The following CXCL2 variants were observed in gnomAD, a reference collection of about 807,000 sequenced individuals.
CXCL2 encodes the protein C-X-C motif chemokine 2.
A neutral mutation model predicts 11.2 loss-of-function variants in CXCL2; 12 were observed. The observed-to-expected ratio is 1.08, with a 90% CI of 0.69 to 1.74. The LOEUF (loss-of-function observed/expected upper bound fraction) is 1.74, where lower values mean the gene tolerates loss of function less well. Ranked by LOEUF, CXCL2 falls within the 40% of genes most tolerant of loss-of-function variation. The pLI is 0.00. For synonymous variants in CXCL2, 68 were observed against 61.9 expected (o/e 1.10, Z -0.47); for missense variants, 120 against 137.8 (o/e 0.87, Z 0.65).
At chr4:74,098,773 C>A (rs553596447) in intron 2 of CXCL2, 26 bp downstream of exon 2, 3 of 1,613,530 alleles carry the variant, frequency 1.9e-6, no homozygotes, top group Non-Finnish European at 2.5e-6. Flanking sequence ...CCAGCAGTGG[C>A]AGCGGCAGCG....
At chr4:74,098,241 C>A (rs767160371) in intron 3 of CXCL2, among the ~76,000 whole-genome samples, 9 of 152,134 alleles carry the variant, frequency 5.9e-5, no homozygotes, top group African/African-American at 1.7e-4. Context: ...TTACAAAAAA[C>A]CAGGGGGTCT....
chr4:74,097,871 A>G (rs989326776), intron 3 of CXCL2, 100 bp from the exon 4 acceptor site: 14 of 1,293,200 alleles, frequency 1.1e-5, no homozygotes, highest in Non-Finnish European at 1.4e-5. Flanking sequence ...AGTTTTCTGA[A>G]TGCAGTTTCC....
Position 74,099,152 on chromosome 4 carries a change from G to T in CXCL2, c.-32C>A, listed in dbSNP as rs759391615. 5.3e-5 allele frequency: 78 copies of T among 1,464,920 alleles called. No homozygotes were observed. The highest frequency in any genetic ancestry group is 6.8e-5 in the Non-Finnish European group (76 of 1,111,932). The allele number at this position is 1,464,920 out of a possible 1,614,324, so 90.7% of individuals were successfully genotyped here. A position where few individuals can be genotyped will look rare whatever the true frequency, so the allele number is the denominator to read the frequency against. On this transcript the variant is annotated 5_prime_UTR_variant, in exon 1 of 4. Coordinates refer to ENST00000508487, the MANE Select transcript of CXCL2 (RefSeq NM_002089.4). ...CAGCAGGCGGTTCGAGCGGCTGTGC[G>T]AGGAGGAGAGCTGGCAAGGAGCTGC...
intron 3 of CXCL2, 153 bp downstream of exon 3, chr4:74,098,448 G>T: frequency 1.2e-6 from 1 of 813,614 alleles, no homozygotes; most frequent in Non-Finnish European, 1.9e-6. Flanking sequence ...CACCAGAACA[G>T]ATTAATAACC....
Position 74,097,650 on chromosome 4 carries a change from C to A in CXCL2, c.*106G>T, listed in dbSNP as rs1257762542. 1 of 1,090,802 alleles carries A rather than the reference C, an allele frequency of 9.2e-7. No homozygotes were observed. Among genetic ancestry groups the A allele is most frequent in the South Asian group, 2.8e-5 (1 of 35,366 alleles). 67.6% of individuals were successfully genotyped at this position (1,090,802 alleles called of 1,614,324 possible). On this transcript the variant is annotated 3_prime_UTR_variant, in exon 4 of 4. Coordinates refer to ENST00000508487, the MANE Select transcript of CXCL2 (RefSeq NM_002089.4). ...AAGTGATGCTCAAACACATTAGGCG[C>A]AATCCAGGTGGCCTCTGCAGCTGTG...
Position 74,097,634 on chromosome 4 carries a change from T to C in CXCL2, c.*122A>G. ...ATAGAAGACTTCTCCTAAGTGATGC[T>C]CAAACACATTAGGCGCAATCCAGGT... On this transcript the variant is annotated 3_prime_UTR_variant, in exon 4 of 4. Coordinates refer to ENST00000508487, the MANE Select transcript of CXCL2 (RefSeq NM_002089.4). 1.3e-6 allele frequency: 1 copy of C among 798,678 alleles called. No individual in the cohort carries two copies. The highest frequency in any genetic ancestry group is 1.8e-6 in the Non-Finnish European group (1 of 559,894). 49.5% of individuals were successfully genotyped at this position (798,678 alleles called of 1,614,324 possible).
chr4:74,098,468 A>G (rs1578206551), intron 3 of CXCL2, 133 bp downstream of exon 3: 1 of 960,082 alleles, frequency 1.0e-6, no homozygotes, highest in Non-Finnish European at 1.5e-6. Flanking sequence ...CTTAATGGCA[A>G]CTTTGTGAAA....
Position 74,098,825 on chromosome 4 carries a change from T to C in CXCL2, c.198A>G (p.Gly66=), listed in dbSNP as rs764651890. The C allele has an allele frequency of 1.9e-6, 3 of 1,613,964 alleles. No individual in the cohort carries two copies. Among genetic ancestry groups the C allele is most frequent in the Admixed American group, 1.7e-5 (1 of 60,020 alleles). Residue 66 remains glycine, a synonymous_variant, in exon 2 of 4, where the codon GGA becomes GGG. Transcript: ENST00000508487. ...TGACTTCGGTTTGGGCGCAGTGGGGTCCGGGGGACTTCACCTTCACACTTT... is the reference window on the plus strand; with the variant it reads ...TGACTTCGGTTTGGGCGCAGTGGGGCCCGGGGGACTTCACCTTCACACTTT... ...NIQSVKVKSP[G]PHCAQTEVIA...
intron 2 of CXCL2, 40 bp downstream of exon 2, chr4:74,098,759 G>C (rs535488364): frequency 5.6e-6 from 9 of 1,613,290 alleles, no homozygotes; most frequent in Non-Finnish European, 7.6e-6. Context: ...GAGAGTCGGG[G>C]ACCCCAGCAG....
Position 74,097,561 on chromosome 4 carries a change from T to C in CXCL2, c.*195A>G, listed in dbSNP as rs200919020. ...ATAACCTTATTTTACACATAAAATATTAACATAGAATCTTCTAAAACAAAC... is the reference window on the plus strand; with the variant it reads ...ATAACCTTATTTTACACATAAAATACTAACATAGAATCTTCTAAAACAAAC... On this transcript the variant is annotated 3_prime_UTR_variant, in exon 4 of 4. Transcript: ENST00000508487. 6 of 363,622 alleles carry C rather than the reference T, an allele frequency of 1.7e-5. No homozygotes were observed. In the South Asian group the frequency reaches 6.9e-4, roughly 42 times the overall value. The allele number at this position is 363,622 out of a possible 1,614,324, so 22.5% of individuals were successfully genotyped here.
Position 74,097,565 on chromosome 4 carries a change from C to T in CXCL2, c.*191G>A, listed in dbSNP as rs1721305918. 4 of 368,964 alleles carry T rather than the reference C, an allele frequency of 1.1e-5. No individual in the cohort carries two copies. The highest frequency in any genetic ancestry group is 1.4e-4 in the South Asian group (1 of 7,322). The allele number at this position is 368,964 out of a possible 1,614,324, so 22.9% of individuals were successfully genotyped here. On this transcript the variant is annotated 3_prime_UTR_variant, in exon 4 of 4. Coordinates refer to ENST00000508487, the MANE Select transcript of CXCL2 (RefSeq NM_002089.4). ...CCTTATTTTACACATAAAATATTAA[C>T]ATAGAATCTTCTAAAACAAACAAAT... is the stretch of plus-strand genomic sequence containing the variant.
intron 3 of CXCL2, 169 bp downstream of exon 3, chr4:74,098,432 C>A: frequency 1.4e-6 from 1 of 709,136 alleles, no homozygotes; most frequent in Non-Finnish European, 2.3e-6. Context: ...TGGGAATATC[C>A]TCTGGCACCA....
chr4:74,098,706 G>T, intron 2 of CXCL2, 22 bp from the exon 3 acceptor site: 1 of 1,614,082 alleles, frequency 6.2e-7, no homozygotes, highest in Non-Finnish European at 8.5e-7. Flanking sequence ...AGGGAATCTC[G>T]TGAGACAGGA....
chr4:74,097,624 T>C lies in CXCL2; in HGVS notation c.*132A>G, dbSNP rs1254743129. On this transcript the variant is annotated 3_prime_UTR_variant, in exon 4 of 4. Coordinates refer to ENST00000508487, the MANE Select transcript of CXCL2 (RefSeq NM_002089.4). ...AAATAAATAAATAGAAGACTTCTCC[T>C]AAGTGATGCTCAAACACATTAGGCG... The C allele has an allele frequency of 6.5e-6, 4 of 615,698 alleles. No homozygotes were observed. Among genetic ancestry groups the C allele is most frequent in the Non-Finnish European group, 9.9e-6 (4 of 403,580 alleles). The allele number at this position is 615,698 out of a possible 1,614,324, so 38.1% of individuals were successfully genotyped here.
At position 74,097,590 on chromosome 4, in the gene CXCL2, T is replaced by C. The variant is rs189458219; in HGVS notation, c.*166A>G. 4.5e-3 allele frequency: 1,865 copies of C among 417,658 alleles called. 20 individuals carry two copies. The highest frequency in any genetic ancestry group is 0.033 in the African/African-American group (1,590 of 48,328). 25.9% of individuals were successfully genotyped at this position (417,658 alleles called of 1,614,324 possible). A position where few individuals can be genotyped will look rare whatever the true frequency, so the allele number is the denominator to read the frequency against. On this transcript the variant is annotated 3_prime_UTR_variant, in exon 4 of 4. Transcript: ENST00000508487. ...CATAGAATCTTCTAAAACAAACAAA[T>C]AAATAAATAAATAAATAAATAGAAG...
chr4:74,097,373 G>A lies in CXCL2; in HGVS notation c.*383C>T, dbSNP rs113025589. 1 of 153,612 alleles carries A rather than the reference G, an allele frequency of 6.5e-6. No homozygotes were observed. Among genetic ancestry groups the A allele is most frequent in the Non-Finnish European group, 1.4e-5 (1 of 68,970 alleles). The allele number at this position is 153,612 out of a possible 1,614,324, so 9.5% of individuals were successfully genotyped here. A position where few individuals can be genotyped will look rare whatever the true frequency, so the allele number is the denominator to read the frequency against. On this transcript the variant is annotated 3_prime_UTR_variant, in exon 4 of 4. Transcript: ENST00000508487. ...GGATTCCTCAGCCTCTATCACAGTG[G>A]CTGACATGTGATATGTCATCACGAA...
Position 74,097,694 on chromosome 4 carries a change from T to C in CXCL2, c.*62A>G. On this transcript the variant is annotated 3_prime_UTR_variant, in exon 4 of 4. Coordinates refer to ENST00000508487, the MANE Select transcript of CXCL2 (RefSeq NM_002089.4). ...AGCTGTGTCTCTCTTTCCTCTTCTG[T>C]TCCTGTAAGGGCAGGGCCTCCTTCA... The C allele has an allele frequency of 5.2e-6, 8 of 1,533,136 alleles. No individual in the cohort carries two copies. Among genetic ancestry groups the C allele is most frequent in the Non-Finnish European group, 7.0e-6 (8 of 1,137,954 alleles). 95.0% of individuals were successfully genotyped at this position (1,533,136 alleles called of 1,614,324 possible). A position where few individuals can be genotyped will look rare whatever the true frequency, so the allele number is the denominator to read the frequency against.
rs762380109 is a variant in CXCL2 at position 74,098,828 on chromosome 4, G to A, written c.195C>T (p.Pro65=). 1.2e-6 allele frequency: 2 copies of A among 1,614,122 alleles called. No homozygotes were observed. ...KNIQSVKVKS[P]GPHCAQTEVI... Reference sequence around the variant, plus strand: ...CTTCGGTTTGGGCGCAGTGGGGTCCGGGGGACTTCACCTTCACACTTTGGA... The same window carrying A: ...CTTCGGTTTGGGCGCAGTGGGGTCCAGGGGACTTCACCTTCACACTTTGGA... Residue 65 remains proline, a synonymous_variant, in exon 2 of 4, where the codon CCC becomes CCT. Transcript: ENST00000508487.
chr4:74,098,814 G>A lies in CXCL2; in HGVS notation c.209C>T (p.Ala70Val). 6.2e-7 allele frequency: 1 copy of A among 1,614,116 alleles called. No homozygotes were observed. The highest frequency in any genetic ancestry group is 8.5e-7 in the Non-Finnish European group (1 of 1,179,986). ...CGAGACTTACATGACTTCGGTTTGG[G>A]CGCAGTGGGGTCCGGGGGACTTCAC... is the stretch of plus-strand genomic sequence containing the variant. ...VKVKSPGPHC[A>V]QTEVIATLKN... The change falls in exon 2 of 4, where the codon GCC (alanine) becomes GTC (valine). Residue 70 changes from alanine (A) to valine (V), a missense_variant. Transcript: ENST00000508487.
Sources: gnomAD v4.1 joint callset for allele counts (sites outside exome capture counted in the v4.1 genomes callset) on GRCh38, gnomAD v4.1.1 for gene constraint, MANE v1.5 for transcripts, NCBI Gene and HGNC (gene_info 2026-07-23, HGNC 2026-07-21) for gene names.